Variants in SCN3A observed in about 807,000 individuals in gnomAD.
The protein encoded by SCN3A is sodium voltage-gated channel alpha subunit 3.
In SCN3A, 60 loss-of-function variants were observed where a neutral mutation model predicts 187.6. The ratio of observed to expected loss-of-function variants is 0.32; its 90% CI spans 0.26 to 0.40. SCN3A has a LOEUF of 0.40. SCN3A is among the 10% of genes least tolerant of loss of function. SCN3A has a pLI of 1.00. For synonymous variants in SCN3A, 788 were observed against 829.2 expected, an observed-to-expected ratio of 0.95 and a Z score of 0.85; for missense variants, 1,601 against 2,428.2, an observed-to-expected ratio of 0.66 and a Z score of 7.16.
intron 18 of SCN3A, among the ~76,000 whole-genome samples, chr2:165,118,037 C>T (rs1391842883): frequency 2.6e-5 from 4 of 152,154 alleles, no homozygotes; most frequent in East Asian, 1.9e-4. Flanking sequence ...TGAATGACAA[C>T]GGAATCAATC....
intron 9 of SCN3A, among the ~76,000 whole-genome samples, chr2:165,161,594 G>C (rs11885920): frequency 0.23 from 34,496 of 151,954 alleles, 5,124 homozygotes; most frequent in East Asian, 0.52. Flanking sequence ...TTTAAGTTCC[G>C]TGTCCTAAGA....
chr2:165,128,036 A>G lies in SCN3A; in HGVS notation c.2988T>C (p.Asp996=), dbSNP rs1472016242. 1.2e-6 allele frequency: 2 copies of G among 1,613,768 alleles called. No homozygotes were observed. The highest frequency in any genetic ancestry group is 8.5e-7 in the Non-Finnish European group (1 of 1,179,954). ...SFSSDNLAAT[D]DDNEMNNLQI... ...GCAGATTATTCATTTCATTGTCATC[A>G]TCAGTAGCAGCAAGGTTGTCTGAGC... Residue 996 remains aspartate (D), a synonymous_variant, in exon 18 of 28, where the codon GAT becomes GAC. Coordinates refer to ENST00000283254, the MANE Select transcript of SCN3A (RefSeq NM_006922.4).
rs143507684 is a variant in SCN3A, at chr2:165,120,742, C to T, written c.3394-5167G>A. 8.6e-5 allele frequency among the ~76,000 whole-genome samples: 13 copies of T among 151,872 alleles called. No individual in the cohort carries two copies. In the East Asian group the frequency reaches 9.7e-4, roughly 11 times the overall value. On this transcript the variant is annotated intron_variant, in intron 18 of 27. Transcript: ENST00000283254. ...TATTTCACCTGAAAAACAAGACAGC[C>T]ACACAGTGAAGCCATTGGGTTGCTT...
intron 5 of SCN3A, among the ~76,000 whole-genome samples, chr2:165,167,712 A>C (rs894530609): frequency 6.6e-6 from 1 of 152,066 alleles, no homozygotes; most frequent in Non-Finnish European, 1.5e-5. Context: ...AAATTGTGTT[A>C]GTTCATGCAC....
At position 165,141,142 on chromosome 2, in the gene SCN3A, GAC is replaced by G. The variant is rs1687988062; in HGVS notation, c.1672-146_1672-145del. On this transcript the variant is annotated intron_variant, in intron 12 of 27. Transcript: ENST00000283254. ...AACATGGATAATCAAATTTATAGAG[GAC>G]ACATATATTTTGATATTTTTATTAA... 11 of 609,644 alleles carry G rather than the reference GAC, an allele frequency of 1.8e-5. No homozygotes were observed. In the South Asian group the frequency reaches 2.8e-4, roughly 15 times the overall value. 37.8% of individuals were successfully genotyped at this position (609,644 alleles called of 1,614,324 possible).
Position 165,092,251 on chromosome 2 carries a change from T to C in SCN3A, c.4807+3A>G, listed in dbSNP as rs1685142108. 1 of 1,613,804 alleles carries C rather than the reference T, an allele frequency of 6.2e-7. No individual in the cohort carries two copies. The highest frequency in any genetic ancestry group is 8.5e-7 in the Non-Finnish European group (1 of 1,179,846). On this transcript the variant is annotated splice_donor_region_variant and intron_variant, in intron 27 of 27. Coordinates refer to ENST00000283254, the MANE Select transcript of SCN3A (RefSeq NM_006922.4). The surrounding 1 kb of genome is among the most constrained non-coding windows in gnomAD (Gnocchi z 4.2). Reference sequence around the variant, plus strand: ...TACCTCTTGGTAATTAAGCTGTTCTTACCTACAATGGAGAGAATCACCACC... The same window carrying C: ...TACCTCTTGGTAATTAAGCTGTTCTCACCTACAATGGAGAGAATCACCACC...
chr2:165,156,331 T>C (rs576131226), intron 9 of SCN3A, among the ~76,000 whole-genome samples: 40 of 148,944 alleles, frequency 2.7e-4, no homozygotes, highest in African/African-American at 7.4e-4. Flanking sequence ...ACAGTGAAAC[T>C]CCATCTCTAC....
chr2:165,162,215 A>G, intron 9 of SCN3A, 93 bp downstream of exon 9: 2 of 1,142,894 alleles, frequency 1.7e-6, no homozygotes, highest in Non-Finnish European at 2.6e-6. Context: ...CATACATGGT[A>G]AGGCTACACA....
chr2:165,185,001 A>G (rs1045433645), intron 2 of SCN3A, among the ~76,000 whole-genome samples: 7 of 152,244 alleles, frequency 4.6e-5, no homozygotes, highest in Admixed American at 3.3e-4. Flanking sequence ...ACATGTGTTA[A>G]CTATTTAACG....
rs1247306420 is a variant in SCN3A at position 165,162,542 on chromosome 2, G to A, written c.967+14C>T. 3.1e-6 allele frequency: 5 copies of A among 1,613,780 alleles called. No homozygotes were observed. The highest frequency in any genetic ancestry group is 3.4e-6 in the Non-Finnish European group (4 of 1,179,782). On this transcript the variant is annotated intron_variant, in intron 8 of 27. Coordinates refer to ENST00000283254, the MANE Select transcript of SCN3A (RefSeq NM_006922.4). ...TCAGCAACACTAAGGTTAACATAAT[G>A]TAATACTTCTTACTGTCATCTCCAA...
chr2:165,090,304 T>G lies in SCN3A; in HGVS notation c.5849A>C (p.Asn1950Thr). ...IKQDMIIDKL[N>T]GNSTPEKTDG... is the part of the protein sequence containing the mutation. ...TGTTTTTTCTGGAGTGGAGTTCCCA[T>G]TTAGTTTGTCAATAATCATGTCTTG... is the stretch of plus-strand genomic sequence containing the variant. Residue 1950 changes from asparagine to threonine, a missense_variant, in exon 28 of 28, where the codon AAT becomes ACT. By Grantham distance (65) the Asn-to-Thr change is moderately conservative. Around this residue, in one of 11 missense-constraint regions of SCN3A, gnomAD observed 87 missense variants for 89.2 expected, o/e 0.98. Coordinates refer to ENST00000283254, the MANE Select transcript of SCN3A (RefSeq NM_006922.4). This position sits in a 1 kb window ranked among gnomAD's most constrained non-coding sequence, Gnocchi z 4.0. 1 of 1,613,466 alleles carries G rather than the reference T, an allele frequency of 6.2e-7. No homozygotes were observed. Among genetic ancestry groups the G allele is most frequent in the South Asian group, 1.1e-5 (1 of 91,014 alleles).
chr2:165,133,320 G>C (rs1687464777), intron 15 of SCN3A, among the ~76,000 whole-genome samples: 1 of 152,054 alleles, frequency 6.6e-6, no homozygotes, highest in Non-Finnish European at 1.5e-5. Context: ...CTGCTATAAA[G>C]ACACATGCAC....
chr2:165,138,083 G>A lies in SCN3A; in HGVS notation c.2187C>T (p.Cys729=). The part of the protein sequence containing the change: ...LEESRQKCPP[C]WYRFANVFLI... Reference sequence around the variant, plus strand: ...AGAACACATTGGCAAATCTATACCAGCATGGCGGACATTTCTGTCTAGATT... The same window carrying A: ...AGAACACATTGGCAAATCTATACCAACATGGCGGACATTTCTGTCTAGATT... The change falls in exon 15 of 28, where the codon TGC becomes TGT. Residue 729 remains cysteine (C), a synonymous_variant. Coordinates refer to ENST00000283254, the MANE Select transcript of SCN3A (RefSeq NM_006922.4). 1 of 1,613,454 alleles carries A rather than the reference G, an allele frequency of 6.2e-7. No individual in the cohort carries two copies. Among genetic ancestry groups the A allele is most frequent in the Non-Finnish European group, 8.5e-7 (1 of 1,179,528 alleles).
At chr2:165,174,534 T>C (rs914967024) in intron 3 of SCN3A, among the ~76,000 whole-genome samples, 16 of 152,168 alleles carry the variant, frequency 1.1e-4, no homozygotes, top group African/African-American at 3.6e-4. Flanking sequence ...TCCTTTTGTT[T>C]CCCCCTTAAT....
At chr2:165,142,862 T>C (rs749722424) in intron 12 of SCN3A, among the ~76,000 whole-genome samples, 3 of 151,974 alleles carry the variant, frequency 2.0e-5, no homozygotes, top group Admixed American at 6.6e-5. Context: ...GCTATTCTCC[T>C]GCCTTACCCT....
intron 1 of SCN3A, among the ~76,000 whole-genome samples, chr2:165,203,230 C>G (rs1446440703): frequency 1.3e-5 from 2 of 151,754 alleles, no homozygotes; most frequent in Non-Finnish European, 2.9e-5. Context: ...TATTATGGAA[C>G]ATATAGAGAT....
Position 165,139,465 on chromosome 2 carries a change from C to G in SCN3A, c.2152+11G>C, listed in dbSNP as rs575703847. ...CACAGAAAGTTGGCTGTTCCATGACCTGCTTCTTACCTTCCATTGTGTTGG... is the reference window on the plus strand; with the variant it reads ...CACAGAAAGTTGGCTGTTCCATGACGTGCTTCTTACCTTCCATTGTGTTGG... On this transcript the variant is annotated intron_variant, in intron 14 of 27. Transcript: ENST00000283254. 6.2e-7 allele frequency: 1 copy of G among 1,613,818 alleles called. No individual in the cohort carries two copies. The highest frequency in any genetic ancestry group is 1.7e-5 in the Admixed American group (1 of 59,984).
chr2:165,102,411 G>A lies in SCN3A; in HGVS notation c.3844-1987C>T, dbSNP rs148617409. On this transcript the variant is annotated intron_variant, in intron 21 of 27. Transcript: ENST00000283254. The stretch of plus-strand genomic sequence containing the variant: ...CGCACTTGTAGCCTTAGCTATTTGG[G>A]AGGCTTAGGCAGGATGATTGCTTAA... 1.4e-3 allele frequency among the ~76,000 whole-genome samples: 212 copies of A among 152,272 alleles called. 1 individual carries two copies. The highest frequency in any genetic ancestry group is 4.9e-3 in the African/African-American group (204 of 41,564).
chr2:165,126,662 C>A (rs62174899), intron 18 of SCN3A, among the ~76,000 whole-genome samples: 26,793 of 147,248 alleles, frequency 0.18, 2,822 homozygotes, highest in South Asian at 0.29. Flanking sequence ...CCCTTCCTCC[C>A]TCCCTCCCTT....
Sources: allele counts gnomAD v4.1 joint callset (sites outside exome capture counted in the v4.1 genomes callset), GRCh38; gene constraint gnomAD v4.1.1; regional missense constraint gnomAD v4.1.1; non-coding constraint Gnocchi (gnomAD v3.1); transcripts MANE v1.5; gene names NCBI Gene and HGNC (gene_info 2026-07-23, HGNC 2026-07-21).